Variants in DCHS2 observed in about 807,000 individuals in gnomAD.
The protein encoded by DCHS2 is dachsous cadherin-related 2.
A neutral mutation model predicts 182.4 loss-of-function variants in DCHS2; 142 were observed. That is an observed-to-expected ratio of 0.78 (90% confidence interval 0.68 to 0.89). The LOEUF (loss-of-function observed/expected upper bound fraction) is 0.89, where lower values mean the gene tolerates loss of function less well. DCHS2 is among the 40% of genes least tolerant of loss of function. DCHS2 has a pLI of 0.00. For missense variants in DCHS2, 4,319 were observed against 4,198.6 expected (o/e 1.03, Z -0.79); for synonymous variants, 1,740 against 1,663.3 (o/e 1.05, Z -1.12).
chr4:154,388,639 C>A (rs904902209), intron 1 of DCHS2, among the ~76,000 whole-genome samples: 1 of 151,836 alleles, frequency 6.6e-6, no homozygotes, highest in African/African-American at 2.4e-5. Context: ...GGATTACAGG[C>A]GCACATCACC....
chr4:154,236,572 TGTCACG>T lies in DCHS2; in HGVS notation c.8074_8079del (p.Arg2692_Asp2693del). On this transcript the variant is annotated inframe_deletion, in exon 20 of 20. Coordinates refer to ENST00000357232, the MANE Select transcript of DCHS2 (RefSeq NM_001358235.2). ...TAGATGATTTCTGCATGTGACCCTG[TGTCACG>T]GTCATTTGCTGAGACCACAGTGATG... 4 of 1,614,050 alleles carry T rather than the reference TGTCACG, an allele frequency of 2.5e-6. No individual in the cohort carries two copies. Among genetic ancestry groups the T allele is most frequent in the Non-Finnish European group, 3.4e-6 (4 of 1,179,984 alleles).
In DCHS2 at chr4:154,434,140, T is replaced by C. The variant is rs371083590; in HGVS notation, c.2052+55164A>G. ...ATATGTTTACATGAAATTCAAAAAC[T>C]GGCAAATAATGGGCTGGGCATGATG... On this transcript the variant is annotated intron_variant, in intron 1 of 19. Transcript: ENST00000357232. Among the ~76,000 whole-genome samples, 222 of 152,248 alleles carry C rather than the reference T, an allele frequency of 1.5e-3. 1 individual carries two copies. Among genetic ancestry groups the C allele is most frequent in the African/African-American group, 5.2e-3 (216 of 41,546 alleles).
Position 154,490,828 on chromosome 4 carries a change from G to A in DCHS2, c.528C>T (p.Val176=). The A allele has an allele frequency of 6.4e-7, 1 of 1,551,640 alleles. No individual in the cohort carries two copies. The highest frequency in any genetic ancestry group is 8.7e-7 in the Non-Finnish European group (1 of 1,146,958). ...CGGTCCCTGGCGGGCTGAGCTCGGA[G>A]ACGTCGAGTTGCAGGGAGTCGAGGG... ...RFPLDSLQLD[V]SELSPPGTAF... The change falls in exon 1 of 20, where the codon GTC becomes GTT. Residue 176 remains valine, a synonymous_variant. Transcript: ENST00000357232.
chr4:154,368,621 AT>A (rs1230770603), intron 2 of DCHS2, among the ~76,000 whole-genome samples: 1 of 151,496 alleles, frequency 6.6e-6, no homozygotes, highest in Non-Finnish European at 1.5e-5. Flanking sequence ...GGTTCAAGTG[AT>A]TCTCCTACCT....
At chr4:154,268,148 C>T (rs1733381904) in intron 14 of DCHS2, among the ~76,000 whole-genome samples, 1 of 152,040 alleles carries the variant, frequency 6.6e-6, no homozygotes, top group Admixed American at 6.6e-5. Flanking sequence ...GTAGAATATT[C>T]ATTCTTACTG....
Position 154,261,083 on chromosome 4 carries a change from G to A in DCHS2, c.6578-1327C>T, listed in dbSNP as rs1471591068. ...TGTCAGCAAGTCCATCAAATAGAGA[G>A]TTTCTGAATGAACACTAATTTGGAG... On this transcript the variant is annotated intron_variant, in intron 14 of 19. Transcript: ENST00000357232. Among the ~76,000 whole-genome samples the A allele has an allele frequency of 2.0e-5, 3 of 152,142 alleles. No individual in the cohort carries two copies. In the South Asian group the frequency reaches 6.2e-4, roughly 31 times the overall value.
intron 1 of DCHS2, among the ~76,000 whole-genome samples, chr4:154,410,436 C>G (rs1193117004): frequency 4.4e-5 from 6 of 136,084 alleles, no homozygotes; most frequent in Non-Finnish European, 9.3e-5. Flanking sequence ...AATCTCTAAA[C>G]TTCAAGATAG....
intron 1 of DCHS2, among the ~76,000 whole-genome samples, chr4:154,398,310 A>G (rs76539426): frequency 0.018 from 2,742 of 152,354 alleles, 70 homozygotes; most frequent in African/African-American, 0.06. Flanking sequence ...ACTTTATCAA[A>G]GTTAATTAGC....
chr4:154,298,358 A>T lies in DCHS2; in HGVS notation c.5956T>A (p.Ser1986Thr). Residue 1986 changes from serine to threonine, a missense_variant, in exon 13 of 20, where the codon TCA becomes ACA. Transcript: ENST00000357232. The part of the protein sequence containing the change: ...ASGAFTIDPM[S>T]GTLKTSNTLD... Reference sequence around the variant, plus strand: ...GTGTTGCTGGTTTTCAATGTGCCTGACATAGGATCAATGGTGAATGCACCA... The same window carrying T: ...GTGTTGCTGGTTTTCAATGTGCCTGTCATAGGATCAATGGTGAATGCACCA... 6.2e-7 allele frequency: 1 copy of T among 1,614,180 alleles called. No homozygotes were observed.
At chr4:154,351,335 A>G (rs1013166532) in intron 3 of DCHS2, among the ~76,000 whole-genome samples, 1 of 152,224 alleles carries the variant, frequency 6.6e-6, no homozygotes, top group Non-Finnish European at 1.5e-5. Flanking sequence ...GTTGTAGTCT[A>G]GAAAGCATAT....
chr4:154,433,340 C>A (rs1264535401), intron 1 of DCHS2, among the ~76,000 whole-genome samples: 2 of 148,408 alleles, frequency 1.3e-5, no homozygotes, highest in Non-Finnish European at 3.0e-5. Context: ...ACATTCATTT[C>A]GGACTTCTCA....
chr4:154,285,154 G>A (rs1017370025), intron 13 of DCHS2, among the ~76,000 whole-genome samples: 1 of 152,014 alleles, frequency 6.6e-6, no homozygotes, highest in African/African-American at 2.4e-5. Context: ...TATCTTTAAG[G>A]CAAATACCTA....
chr4:154,460,916 C>T (rs6842918), intron 1 of DCHS2, among the ~76,000 whole-genome samples: 2,900 of 152,220 alleles, frequency 0.019, 81 homozygotes, highest in African/African-American at 0.065. Flanking sequence ...CTATTTTCAG[C>T]CTCCACTTTC....
At chr4:154,440,722 G>GA (rs1733974399) in intron 1 of DCHS2, among the ~76,000 whole-genome samples, 1 of 152,010 alleles carries the variant, frequency 6.6e-6, no homozygotes. Flanking sequence ...TTCTTACACA[G>GA]AAAAAATGTT....
chr4:154,233,647 G>T lies in DCHS2; in HGVS notation c.*889C>A, dbSNP rs1731297118. The T allele has an allele frequency of 6.6e-6, 1 of 152,036 alleles. No homozygotes were observed. The highest frequency in any genetic ancestry group is 1.9e-4 in the East Asian group (1 of 5,194). 9.4% of individuals were successfully genotyped at this position (152,036 alleles called of 1,614,324 possible). A position where few individuals can be genotyped will look rare whatever the true frequency, so the allele number is the denominator to read the frequency against. On this transcript the variant is annotated 3_prime_UTR_variant, in exon 20 of 20. Coordinates refer to ENST00000357232, the MANE Select transcript of DCHS2 (RefSeq NM_001358235.2). ...TACTGTATCTAGAAGAAAATAAAATGAAGACATTGCTATAAATTAACCTTT... is the reference window on the plus strand; with the variant it reads ...TACTGTATCTAGAAGAAAATAAAATTAAGACATTGCTATAAATTAACCTTT...
chr4:154,394,714 G>A (rs539751005), intron 1 of DCHS2, among the ~76,000 whole-genome samples: 9 of 152,198 alleles, frequency 5.9e-5, no homozygotes, highest in African/African-American at 2.2e-4. Context: ...GGGCCAAGTT[G>A]CTGTTTGGTG....
chr4:154,399,042 C>T (rs1408427005), intron 1 of DCHS2, among the ~76,000 whole-genome samples: 2 of 152,152 alleles, frequency 1.3e-5, no homozygotes, highest in Admixed American at 1.3e-4. Flanking sequence ...TGGGCTTTTT[C>T]CATGCCTCCA....
In DCHS2 at chr4:154,419,650, C is replaced by CAAA. The variant is rs70947164; in HGVS notation, c.2053-42209_2053-42207dup. Reference sequence around the variant, plus strand: ...GGGCAAAAGAAACGAAACTCCATCTCAAAAAAAAAAAAAAAAAAAAAAAAG... The same window carrying CAAA: ...GGGCAAAAGAAACGAAACTCCATCTCAAAAAAAAAAAAAAAAAAAAAAAAAAAG... On this transcript the variant is annotated intron_variant, in intron 1 of 19. Transcript: ENST00000357232. 8.3e-3 allele frequency among the ~76,000 whole-genome samples: 370 copies of CAAA among 44,612 alleles called. 2 individuals are homozygous for CAAA. Among genetic ancestry groups the CAAA allele is most frequent in the Admixed American group, 0.012 (36 of 3,002 alleles). 29.3% of individuals were successfully genotyped at this position (44,612 alleles called of 152,430 possible).
Position 154,471,470 on chromosome 4 carries a change from A to T in DCHS2, c.2052+17834T>A, listed in dbSNP as rs375136447. Among the ~76,000 whole-genome samples, 6 of 152,270 alleles carry T rather than the reference A, an allele frequency of 3.9e-5. No homozygotes were observed. In the East Asian group the frequency reaches 7.7e-4, roughly 20 times the overall value. On this transcript the variant is annotated intron_variant, in intron 1 of 19. Coordinates refer to ENST00000357232, the MANE Select transcript of DCHS2 (RefSeq NM_001358235.2). The stretch of plus-strand genomic sequence containing the variant: ...CCCTTTATTTTCAAGGTCAGCTATA[A>T]CAAGAGTTATGTCTATAACTGAGTT...
Sources: gnomAD v4.1 joint callset for allele counts (sites outside exome capture counted in the v4.1 genomes callset) on GRCh38, gnomAD v4.1.1 for gene constraint, MANE v1.5 for transcripts, NCBI Gene and HGNC (gene_info 2026-07-23, HGNC 2026-07-21) for gene names.